HBEGF: variants seen among roughly 807,000 people sequenced by gnomAD.
HBEGF encodes the protein proheparin-binding EGF-like growth factor.
A neutral mutation model predicts 19.5 loss-of-function variants in HBEGF; 8 were observed. The observed-to-expected ratio is 0.41, with a 90% CI of 0.24 to 0.74. The LOEUF (loss-of-function observed/expected upper bound fraction) is 0.74, where lower values mean the gene tolerates loss of function less well. HBEGF is among the 30% of genes least tolerant of loss of function. HBEGF has a pLI of 0.32. For synonymous variants in HBEGF, 97 were observed against 108.9 expected (o/e 0.89, Z 0.68); for missense variants, 207 against 256.9 (o/e 0.81, Z 1.33).
chr5:140,346,105 C>A lies in HBEGF; in HGVS notation c.47-21G>T, dbSNP rs745542164. On this transcript the variant is annotated intron_variant, in intron 1 of 5. Transcript: ENST00000230990. The surrounding 1 kb of genome is among the most constrained non-coding windows in gnomAD (Gnocchi z 6.1). Reference sequence around the variant, plus strand: ...GAGAACTGCGGGCGAGAGGCCAGGCCGCATCAGACACCCGCCCAGACCCCT... The same window carrying A: ...GAGAACTGCGGGCGAGAGGCCAGGCAGCATCAGACACCCGCCCAGACCCCT... 5 of 1,604,580 alleles carry A rather than the reference C, an allele frequency of 3.1e-6. No individual in the cohort carries two copies. In the Admixed American group the frequency reaches 8.5e-5, roughly 27 times the overall value.
chr5:140,340,781 G>A (rs1415528836), intron 3 of HBEGF, among the ~76,000 whole-genome samples: 4 of 152,062 alleles, frequency 2.6e-5, no homozygotes, highest in Non-Finnish European at 5.9e-5. Context: ...GACAGATACA[G>A]GAAAGAAAGA....
Position 140,345,906 on chromosome 5 carries a change from C to A in HBEGF, c.220+5G>T, listed in dbSNP as rs375919692. On this transcript the variant is annotated splice_donor_5th_base_variant and intron_variant, in intron 2 of 5. Transcript: ENST00000230990. ...GGTCCAAGGATGGGGGGCCTCCACA[C>A]CCACCTCTCAAAAGGTCCAGATCTG... 5.6e-6 allele frequency: 9 copies of A among 1,613,988 alleles called. No homozygotes were observed. The highest frequency in any genetic ancestry group is 7.6e-6 in the Non-Finnish European group (9 of 1,179,988).
intron 3 of HBEGF, 73 bp downstream of exon 3, chr5:140,342,562 G>A (rs1581113750): frequency 1.0e-5 from 14 of 1,381,834 alleles, no homozygotes; most frequent in Admixed American, 1.8e-5. Context: ...TCAAGGAACA[G>A]TGACAACGAG....
intron 2 of HBEGF, among the ~76,000 whole-genome samples, chr5:140,343,692 C>A (rs2126719429): frequency 6.6e-6 from 1 of 152,288 alleles, no homozygotes; most frequent in East Asian, 1.9e-4. Context: ...TGGGATTGAC[C>A]AGGGACTATG....
chr5:140,344,260 C>A (rs1458278882), intron 2 of HBEGF, among the ~76,000 whole-genome samples: 1 of 152,176 alleles, frequency 6.6e-6, no homozygotes. Flanking sequence ...CCTCACCACA[C>A]CAAGCTGCCT....
rs1238252516 is a variant in HBEGF, at chr5:140,342,829, C to G, written c.221-17G>C. 1 of 1,613,630 alleles carries G rather than the reference C, an allele frequency of 6.2e-7. No individual in the cohort carries two copies. Among genetic ancestry groups the G allele is most frequent in the Non-Finnish European group, 8.5e-7 (1 of 1,179,604 alleles). On this transcript the variant is annotated splice_polypyrimidine_tract_variant and intron_variant, in intron 2 of 5. Transcript: ENST00000230990. The stretch of plus-strand genomic sequence containing the variant: ...ATAAAGTGACTGTAGGAGAAAAGCA[C>G]TCTGTTAAAGTCTGACTCTTTGGGA...
At chr5:140,337,076 C>T (rs1766239904) in intron 3 of HBEGF, among the ~76,000 whole-genome samples, 1 of 152,092 alleles carries the variant, frequency 6.6e-6, no homozygotes, top group African/African-American at 2.4e-5. Context: ...GGTGATCCAC[C>T]CGCCTCTGCC....
chr5:140,346,205 C>T lies in HBEGF; in HGVS notation c.46+78G>A. 1 of 1,555,532 alleles carries T rather than the reference C, an allele frequency of 6.4e-7. No individual in the cohort carries two copies. Among genetic ancestry groups the T allele is most frequent in the Non-Finnish European group, 8.7e-7 (1 of 1,150,810 alleles). On this transcript the variant is annotated intron_variant, in intron 1 of 5. Transcript: ENST00000230990. This position sits in a 1 kb window ranked among gnomAD's most constrained non-coding sequence, Gnocchi z 6.1. ...CACCAAGTGGCCCGTGCCGGGTGCGCTGCGGCGACCTTCCCCCATGCCCCC... is the reference window on the plus strand; with the variant it reads ...CACCAAGTGGCCCGTGCCGGGTGCGTTGCGGCGACCTTCCCCCATGCCCCC...
At chr5:140,339,420 T>C (rs1766274613) in intron 3 of HBEGF, among the ~76,000 whole-genome samples, 1 of 152,136 alleles carries the variant, frequency 6.6e-6, no homozygotes, top group Non-Finnish European at 1.5e-5. Context: ...GAGATGGAGT[T>C]TTGCTCTTGT....
intron 3 of HBEGF, among the ~76,000 whole-genome samples, chr5:140,340,895 A>G (rs1766301646): frequency 6.6e-6 from 1 of 152,186 alleles, no homozygotes. Flanking sequence ...TTAGCTATTG[A>G]CCTCAGGCAA....
intron 2 of HBEGF, among the ~76,000 whole-genome samples, chr5:140,343,724 T>C (rs1301900739): frequency 4.6e-5 from 7 of 152,180 alleles, no homozygotes; most frequent in African/African-American, 1.4e-4. Flanking sequence ...AATCCCACCC[T>C]TTTATCCCCC....
chr5:140,339,461 C>T (rs967472299), intron 3 of HBEGF, among the ~76,000 whole-genome samples: 7 of 152,100 alleles, frequency 4.6e-5, no homozygotes, highest in East Asian at 1.9e-4. Context: ...GGCACTATCT[C>T]GGCTCACTGC....
rs1163971777 is a variant in HBEGF, at chr5:140,333,438, C to G, written c.*861G>C. On this transcript the variant is annotated 3_prime_UTR_variant, in exon 6 of 6. Coordinates refer to ENST00000230990, the MANE Select transcript of HBEGF (RefSeq NM_001945.3). ...GTGGCTCTGACCAAGTTAACCCCTACATCCTGACCATACAGAGCTCCCGCA... is the reference window on the plus strand; with the variant it reads ...GTGGCTCTGACCAAGTTAACCCCTAGATCCTGACCATACAGAGCTCCCGCA... 1 of 152,884 alleles carries G rather than the reference C, an allele frequency of 6.5e-6. No individual in the cohort carries two copies. The highest frequency in any genetic ancestry group is 1.5e-5 in the Non-Finnish European group (1 of 68,058). The allele number at this position is 152,884 out of a possible 1,614,324, so 9.5% of individuals were successfully genotyped here.
intron 2 of HBEGF, 57 bp from the exon 3 acceptor site, chr5:140,342,869 G>A: frequency 6.4e-7 from 1 of 1,561,104 alleles, no homozygotes; most frequent in Non-Finnish European, 8.8e-7. Flanking sequence ...AATCAGAAGA[G>A]CATAGTGCTT....
Position 140,342,643 on chromosome 5 carries a change from G to C in HBEGF, c.390C>G (p.Pro130=), listed in dbSNP as rs754225356. ...ECKYVKELRA[P]SCICHPGYHG... Reference sequence around the variant, plus strand: ...GGGGAAGGGGCACTTACATGCAGGAGGGAGCCCGGAGCTCCTTCACATATT... The same window carrying C: ...GGGGAAGGGGCACTTACATGCAGGACGGAGCCCGGAGCTCCTTCACATATT... The change falls in exon 3 of 6, where the codon CCC becomes CCG. Residue 130 remains proline (P), a synonymous_variant. Coordinates refer to ENST00000230990, the MANE Select transcript of HBEGF (RefSeq NM_001945.3). The C allele has an allele frequency of 1.9e-6, 3 of 1,614,086 alleles. No homozygotes were observed. Among genetic ancestry groups the C allele is most frequent in the East Asian group, 4.5e-5 (2 of 44,874 alleles).
At chr5:140,344,372 G>A (rs1279748889) in intron 2 of HBEGF, among the ~76,000 whole-genome samples, 2 of 152,084 alleles carry the variant, frequency 1.3e-5, no homozygotes, top group Admixed American at 1.3e-4. Context: ...TCCAATTTCA[G>A]CTATTTACTG....
chr5:140,340,714 C>A (rs1000239516), intron 3 of HBEGF, among the ~76,000 whole-genome samples: 1 of 151,832 alleles, frequency 6.6e-6, no homozygotes, highest in African/African-American at 2.4e-5. Context: ...GAATAAGAGA[C>A]CTCTAGGACA....
At chr5:140,340,510 G>A (rs931068301) in intron 3 of HBEGF, among the ~76,000 whole-genome samples, 3 of 145,036 alleles carry the variant, frequency 2.1e-5, no homozygotes, top group African/African-American at 5.2e-5. Context: ...TTGAACCCAG[G>A]AGGCAGAGGT....
intron 2 of HBEGF, among the ~76,000 whole-genome samples, chr5:140,343,865 G>A (rs758564782): frequency 3.3e-5 from 5 of 152,228 alleles, no homozygotes; most frequent in South Asian, 4.1e-4. Flanking sequence ...GGCCAGGCAC[G>A]GTGGCTCACG....
Sources: allele counts gnomAD v4.1 joint callset (sites outside exome capture counted in the v4.1 genomes callset), GRCh38; gene constraint gnomAD v4.1.1; non-coding constraint Gnocchi (gnomAD v3.1); transcripts MANE v1.5; gene names NCBI Gene and HGNC (gene_info 2026-07-23, HGNC 2026-07-21).